Variants in FAM81B observed in about 807,000 individuals in gnomAD.
FAM81B encodes family with sequence similarity 81 member B.
Under a neutral mutation model 58.7 loss-of-function variants are expected in FAM81B, and 60 were observed. The observed-to-expected ratio is 1.02, with a 90% CI of 0.83 to 1.27. The LOEUF (loss-of-function observed/expected upper bound fraction) is 1.27. Ranked by LOEUF, FAM81B falls within the 50% of genes most tolerant of loss-of-function variation. The pLI is 0.00. For synonymous variants in FAM81B, 189 were observed against 179.6 expected, an observed-to-expected ratio of 1.05 and a Z score of -0.42; for missense variants, 491 against 522.0, an observed-to-expected ratio of 0.94 and a Z score of 0.58.
intron 5 of FAM81B, among the ~76,000 whole-genome samples, chr5:95,427,017 C>G (rs1762860464): frequency 6.6e-6 from 1 of 152,104 alleles, no homozygotes; most frequent in Non-Finnish European, 1.5e-5. Flanking sequence ...CCACTGCACT[C>G]CAGCCTGGGC....
intron 4 of FAM81B, among the ~76,000 whole-genome samples, chr5:95,417,022 C>T (rs756373098): frequency 7.2e-5 from 11 of 152,018 alleles, no homozygotes; most frequent in African/African-American, 2.7e-4. Flanking sequence ...CCAGCCTGGG[C>T]GACGGAGACC....
At chr5:95,392,356 G>A (rs1322920662) in intron 1 of FAM81B, among the ~76,000 whole-genome samples, 1 of 152,254 alleles carries the variant, frequency 6.6e-6, no homozygotes, top group South Asian at 2.1e-4. Flanking sequence ...CCTGTTGGGG[G>A]TTGGGGGCTA....
chr5:95,430,086 A>G lies in FAM81B; in HGVS notation c.786+1354A>G, dbSNP rs1023710886. Among the ~76,000 whole-genome samples, 61 of 152,178 alleles carry G rather than the reference A, an allele frequency of 4.0e-4. 1 individual carries two copies. Among genetic ancestry groups the G allele is most frequent in the African/African-American group, 1.3e-3 (55 of 41,440 alleles). On this transcript the variant is annotated intron_variant, in intron 6 of 9. Transcript: ENST00000283357. ...ATGAAAGCTATACAGTTATTGTATA[A>G]TAATTCAATATTTAATTTGGCATCA...
rs1745586558 is a variant in FAM81B at position 95,446,833 on chromosome 5, C to T, written c.1029+136C>T. On this transcript the variant is annotated intron_variant, in intron 8 of 9. Coordinates refer to ENST00000283357, the MANE Select transcript of FAM81B (RefSeq NM_152548.3). Reference sequence around the variant, plus strand: ...GTAACTTTTTTTTTTTTAAACACCACAATAGGAGTCCAGAGGCCTGTCTTC... The same window carrying T: ...GTAACTTTTTTTTTTTTAAACACCATAATAGGAGTCCAGAGGCCTGTCTTC... The T allele has an allele frequency of 5.8e-6, 6 of 1,025,864 alleles. 1 individual carries two copies. In the South Asian group the frequency reaches 9.1e-5, roughly 15 times the overall value. 63.5% of individuals were successfully genotyped at this position (1,025,864 alleles called of 1,614,324 possible).
chr5:95,419,940 C>T (rs1371245830), intron 4 of FAM81B, among the ~76,000 whole-genome samples: 1 of 152,200 alleles, frequency 6.6e-6, no homozygotes, highest in Non-Finnish European at 1.5e-5. Flanking sequence ...CATATCAACA[C>T]AATGCATGTT....
intron 5 of FAM81B, among the ~76,000 whole-genome samples, chr5:95,423,512 G>T (rs1691892124): frequency 6.8e-6 from 1 of 146,430 alleles, no homozygotes; most frequent in Non-Finnish European, 1.5e-5. Flanking sequence ...GCCCCATTTG[G>T]CTCTTTAGGA....
intron 6 of FAM81B, among the ~76,000 whole-genome samples, chr5:95,435,542 CATT>C (rs2152768482): frequency 6.6e-6 from 1 of 152,164 alleles, no homozygotes; most frequent in Admixed American, 6.5e-5. Context: ...TTTCTTGTAT[CATT>C]ATTTATATTT....
At chr5:95,415,620 C>T (rs547615477) in intron 4 of FAM81B, among the ~76,000 whole-genome samples, 3 of 152,220 alleles carry the variant, frequency 2.0e-5, no homozygotes, top group Non-Finnish European at 2.9e-5. Flanking sequence ...GGCAAGCAGC[C>T]CTGTGCCTTT....
rs77341674 is a variant in FAM81B at position 95,396,390 on chromosome 5, T to G, written c.293+215T>G. Reference sequence around the variant, plus strand: ...TTTCTGATTGACAGAACAAGCAGATTTAACTACCTTTTCTTTAAATGACCT... The same window carrying G: ...TTTCTGATTGACAGAACAAGCAGATGTAACTACCTTTTCTTTAAATGACCT... On this transcript the variant is annotated intron_variant, in intron 3 of 9. Coordinates refer to ENST00000283357, the MANE Select transcript of FAM81B (RefSeq NM_152548.3). 2.0e-5 allele frequency among the ~76,000 whole-genome samples: 3 copies of G among 152,348 alleles called. No homozygotes were observed. In the East Asian group the frequency reaches 5.8e-4, roughly 29 times the overall value.
intron 4 of FAM81B, 44 bp downstream of exon 4, chr5:95,414,234 G>A: frequency 6.4e-7 from 1 of 1,565,058 alleles, no homozygotes; most frequent in Non-Finnish European, 8.7e-7. Context: ...TTGTATTTTG[G>A]CAGCATTGCT....
chr5:95,438,771 AT>A (rs1745199140), intron 7 of FAM81B, among the ~76,000 whole-genome samples: 2 of 148,064 alleles, frequency 1.4e-5, no homozygotes, highest in South Asian at 4.2e-4. Flanking sequence ...AAAATTAAAA[AT>A]ATGCATTAAT....
chr5:95,407,420 A>G lies in FAM81B; in HGVS notation c.294-6527A>G, dbSNP rs1251413021. On this transcript the variant is annotated intron_variant, in intron 3 of 9. Coordinates refer to ENST00000283357, the MANE Select transcript of FAM81B (RefSeq NM_152548.3). The stretch of plus-strand genomic sequence containing the variant: ...CACACACACACACACGCACACACAC[A>G]CGCGTGCGCGCACACAAACACACAC... Among the ~76,000 whole-genome samples, 1,055 of 142,968 alleles carry G rather than the reference A, an allele frequency of 7.4e-3. 19 individuals are homozygous for G. Among genetic ancestry groups the G allele is most frequent in the African/African-American group, 0.025 (991 of 40,228 alleles). The allele number at this position is 142,968 out of a possible 152,430, so 93.8% of individuals were successfully genotyped here.
chr5:95,403,803 C>A (rs1204493101), intron 3 of FAM81B, among the ~76,000 whole-genome samples: 3 of 152,164 alleles, frequency 2.0e-5, no homozygotes, highest in Non-Finnish European at 4.4e-5. Flanking sequence ...GCAGGTTTCT[C>A]TTTGCATCTC....
chr5:95,443,971 T>C (rs1745458576), intron 7 of FAM81B, among the ~76,000 whole-genome samples: 1 of 152,198 alleles, frequency 6.6e-6, no homozygotes, highest in South Asian at 2.1e-4. Context: ...TGTTATACAG[T>C]AAAGGTGGGC....
At chr5:95,432,784 G>A (rs1403293417) in intron 6 of FAM81B, among the ~76,000 whole-genome samples, 1 of 151,402 alleles carries the variant, frequency 6.6e-6, no homozygotes, top group Non-Finnish European at 1.5e-5. Flanking sequence ...TTTCCCCCTT[G>A]ATTAGGTTAG....
chr5:95,397,162 A>G (rs1481847385), intron 3 of FAM81B: 2 of 152,196 alleles, frequency 1.3e-5, no homozygotes, highest in Admixed American at 6.5e-5. Flanking sequence ...GGCCAGTTAA[A>G]TTTAATACAT....
At chr5:95,414,480 A>G (rs1339784845) in intron 4 of FAM81B, among the ~76,000 whole-genome samples, 1 of 152,224 alleles carries the variant, frequency 6.6e-6, no homozygotes, top group Non-Finnish European at 1.5e-5. Context: ...ATGTTAGCCT[A>G]AATCTCCAAG....
chr5:95,413,676 G>A (rs891561178), intron 3 of FAM81B, among the ~76,000 whole-genome samples: 5 of 152,060 alleles, frequency 3.3e-5, no homozygotes, highest in South Asian at 2.1e-4. Context: ...ATATAAAGGC[G>A]TCAGTCTTGG....
At chr5:95,412,052 ATACAT>A (rs935780896) in intron 3 of FAM81B, among the ~76,000 whole-genome samples, 2 of 152,162 alleles carry the variant, frequency 1.3e-5, no homozygotes, top group African/African-American at 4.8e-5. Flanking sequence ...TATTACAGGG[ATACAT>A]TATGGGCAAT....
Sources: gnomAD v4.1 joint callset for allele counts (sites outside exome capture counted in the v4.1 genomes callset) on GRCh38, gnomAD v4.1.1 for gene constraint, MANE v1.5 for transcripts, NCBI Gene and HGNC (gene_info 2026-07-23, HGNC 2026-07-21) for gene names.